Variants in JAK1 observed in about 807,000 individuals in gnomAD.
The protein encoded by JAK1 is tyrosine-protein kinase JAK1.
A neutral mutation model predicts 136.6 loss-of-function variants in JAK1; 16 were observed. The observed-to-expected ratio is 0.12, with a 90% CI of 0.08 to 0.18. The LOEUF (loss-of-function observed/expected upper bound fraction) is 0.18, where lower values mean the gene tolerates loss of function less well. Among genes scored for constraint, JAK1 ranks in the 10% least tolerant of loss-of-function variants. The pLI is 1.00. For synonymous variants in JAK1, 492 were observed against 519.5 expected (o/e 0.95, Z 0.72); for missense variants, 859 against 1,450.1 (o/e 0.59, Z 6.62).
chr1:64,839,000 G>T (rs952646641), intron 20 of JAK1, among the ~76,000 whole-genome samples: 17 of 147,628 alleles, frequency 1.2e-4, no homozygotes, highest in Non-Finnish European at 2.4e-4. Flanking sequence ...AAAAAAATTA[G>T]CCGGGCGTGA....
chr1:64,973,851 T>A (rs1646475239), intron 2 of JAK1: 3 of 151,834 alleles, frequency 2.0e-5, no homozygotes, highest in Non-Finnish European at 4.4e-5. Context: ...TTATTCATAA[T>A]GACAGAAAGT....
At position 64,986,036 on chromosome 1, in the gene JAK1, G is replaced by A. The variant is rs60701284; in HGVS notation, c.-78+58444C>T. On this transcript the variant is annotated intron_variant, in intron 2 of 25. Coordinates refer to the JAK1 transcript ENST00000671954. ...TGTTGTAGCCAAATTGGAAAGAGCC[G>A]ATTGTAGCAATTGTGATGGCGAAGA... 3,881 of 1,333,318 alleles carry A rather than the reference G, an allele frequency of 2.9e-3. 103 individuals are homozygous for A. In the African/African-American group the frequency reaches 0.053, roughly 18 times the overall value. 82.6% of individuals were successfully genotyped at this position (1,333,318 alleles called of 1,614,324 possible).
intron 8 of JAK1, 38 bp downstream of exon 8, chr1:64,864,749 A>G (rs1656586259): frequency 6.7e-7 from 1 of 1,489,538 alleles, no homozygotes; most frequent in Non-Finnish European, 9.3e-7. Flanking sequence ...CCCTCTCATC[A>G]CCAGATCCAG....
At chr1:65,036,412 G>C (rs1187597966) in intron 2 of JAK1, among the ~76,000 whole-genome samples, 1 of 152,138 alleles carries the variant, frequency 6.6e-6, no homozygotes, top group Non-Finnish European at 1.5e-5. Flanking sequence ...TCCAGCCTGG[G>C]CAACACAGTG....
chr1:64,860,929 C>T (rs1237315839), intron 8 of JAK1, among the ~76,000 whole-genome samples: 3 of 48,520 alleles, frequency 6.2e-5, no homozygotes, highest in South Asian at 6.4e-4. Flanking sequence ...CCCCTGGGTC[C>T]GTGTGTGTGT....
intron 2 of JAK1, among the ~76,000 whole-genome samples, chr1:64,973,406 T>C (rs1646471067): frequency 6.6e-6 from 1 of 151,422 alleles, no homozygotes; most frequent in African/African-American, 2.4e-5. Context: ...AATATAAATA[T>C]TGGGGAGGAG....
At chr1:65,067,235 G>T (rs1001898789) in intron 1 of JAK1, among the ~76,000 whole-genome samples, 10 of 150,722 alleles carry the variant, frequency 6.6e-5, no homozygotes, top group Non-Finnish European at 1.0e-4. Flanking sequence ...GAAGGCAGGC[G>T]CTAGGCGCTG....
chr1:64,981,314 A>G (rs1011274137), intron 2 of JAK1, among the ~76,000 whole-genome samples: 1 of 152,158 alleles, frequency 6.6e-6, no homozygotes, highest in Admixed American at 6.5e-5. Context: ...GTGTCTTTTA[A>G]TGCCTTCTAT....
At position 64,948,266 on chromosome 1, in the gene JAK1, G is replaced by A. The variant is rs367671057; in HGVS notation, c.-78+18067C>T. 2.0e-4 allele frequency among the ~76,000 whole-genome samples: 30 copies of A among 152,318 alleles called. 5 individuals carry two copies. The highest frequency in any genetic ancestry group is 3.3e-4 in the Admixed American group (5 of 15,306). On this transcript the variant is annotated intron_variant, in intron 1 of 24. Coordinates refer to ENST00000342505, the MANE Select transcript of JAK1 (RefSeq NM_002227.4). ...ACTCTCGTATGAACCAAGATACACA[G>A]ACAAAGCAGCTCATATACTGAGCAT...
intron 2 of JAK1, chr1:64,985,668 C>A: frequency 1.4e-6 from 1 of 726,362 alleles, no homozygotes; most frequent in South Asian, 1.5e-5. Context: ...TGAGATGTCT[C>A]CGATGTACGT....
At chr1:65,002,038 T>G (rs1172867916) in intron 2 of JAK1, among the ~76,000 whole-genome samples, 1 of 152,016 alleles carries the variant, frequency 6.6e-6, no homozygotes, top group Admixed American at 6.6e-5. Flanking sequence ...CTATCTTATT[T>G]CATCTTCCAA....
At position 64,844,938 on chromosome 1, in the gene JAK1, C is replaced by T. The variant is rs570856118; in HGVS notation, c.2116-49G>A. ...TAGCCAAGCTGCTCCTTCCCGCATT[C>T]TATTTCCAACCCTGGTCCCTCAGGT... On this transcript the variant is annotated intron_variant, in intron 15 of 24. Transcript: ENST00000342505. This position sits in a 1 kb window ranked among gnomAD's most constrained non-coding sequence, Gnocchi z 5.7. 1 of 1,612,404 alleles carries T rather than the reference C, an allele frequency of 6.2e-7. No individual in the cohort carries two copies. Among genetic ancestry groups the T allele is most frequent in the Non-Finnish European group, 8.5e-7 (1 of 1,178,788 alleles).
rs557150598 is a variant in JAK1 at position 64,999,223 on chromosome 1, C to G, written c.-78+45257G>C. Among the ~76,000 whole-genome samples the G allele has an allele frequency of 2.0e-5, 3 of 152,328 alleles. No homozygotes were observed. In the East Asian group the frequency reaches 5.8e-4, roughly 29 times the overall value. On this transcript the variant is annotated intron_variant, in intron 2 of 25. Transcript: ENST00000671954. ...GTGAACAAAGTCCAAACCTTCTCAGCATGACATAATAGGCTGTTTCTTTGC... is the reference window on the plus strand; with the variant it reads ...GTGAACAAAGTCCAAACCTTCTCAGGATGACATAATAGGCTGTTTCTTTGC...
chr1:64,971,450 A>T (rs1646450773), upstream of JAK1, among the ~76,000 whole-genome samples: 1 of 152,032 alleles, frequency 6.6e-6, no homozygotes, highest in African/African-American at 2.4e-5. Context: ...GCCTCAATCG[A>T]TCCTCCTGCC....
intron 2 of JAK1, among the ~76,000 whole-genome samples, chr1:65,028,021 G>A (rs1284132475): frequency 6.6e-6 from 1 of 152,218 alleles, no homozygotes; most frequent in Admixed American, 6.5e-5. Flanking sequence ...GGGAAGTAGA[G>A]TGTTTTTGTG....
At chr1:64,896,802 G>A (rs1026813840) in intron 1 of JAK1, among the ~76,000 whole-genome samples, 2 of 152,168 alleles carry the variant, frequency 1.3e-5, no homozygotes, top group South Asian at 2.1e-4. Flanking sequence ...GAGTTTGATC[G>A]GATCCAGAGG....
chr1:64,861,140 C>T (rs1419442742), intron 8 of JAK1, among the ~76,000 whole-genome samples: 2 of 152,014 alleles, frequency 1.3e-5, no homozygotes, highest in Non-Finnish European at 2.9e-5. Context: ...TCTTGGCACT[C>T]AACGGTGAAT....
intron 1 of JAK1, among the ~76,000 whole-genome samples, chr1:64,917,814 T>C (rs930653305): frequency 2.0e-5 from 3 of 152,174 alleles, no homozygotes; most frequent in Admixed American, 2.0e-4. Context: ...TCCCAACAGC[T>C]GGGCCCACTG....
At chr1:64,838,847 GT>G (rs1205988648) in intron 20 of JAK1, among the ~76,000 whole-genome samples, 1 of 152,074 alleles carries the variant, frequency 6.6e-6, no homozygotes, top group Non-Finnish European at 1.5e-5. Context: ...GCAAATGACT[GT>G]TTTCAAAAAT....
Sources: gnomAD v4.1 joint callset for allele counts (sites outside exome capture counted in the v4.1 genomes callset) on GRCh38, gnomAD v4.1.1 for gene constraint, Gnocchi (gnomAD v3.1) non-coding constraint, MANE v1.5 for transcripts, NCBI Gene and HGNC (gene_info 2026-07-23, HGNC 2026-07-21) for gene names.